Variants in PPP1R21 observed in about 807,000 individuals in gnomAD.
PPP1R21 encodes KLRAQ motif containing 1.
PPP1R21 carries 85 observed loss-of-function variants against 112.8 expected under a neutral mutation model. The observed-to-expected ratio is 0.75, with a 90% confidence interval of 0.63 to 0.90. PPP1R21 has a LOEUF of 0.90. Among genes scored for constraint, PPP1R21 ranks in the 40% least tolerant of loss-of-function variants. PPP1R21 has a pLI of 0.00. For missense variants in PPP1R21, 1,199 were observed against 901.5 expected, an observed-to-expected ratio of 1.33 and a Z score of -4.23; for synonymous variants, 381 against 322.3, an observed-to-expected ratio of 1.18 and a Z score of -1.95.
At chr2:48,500,103 G>C (rs1481460366) in intron 17 of PPP1R21, among the ~76,000 whole-genome samples, 5 of 152,124 alleles carry the variant, frequency 3.3e-5, no homozygotes, top group Non-Finnish European at 7.3e-5. Flanking sequence ...GAGCATACCT[G>C]CTAGTTAAAT....
chr2:48,478,935 A>G (rs778092445), intron 12 of PPP1R21, among the ~76,000 whole-genome samples: 8 of 152,290 alleles, frequency 5.3e-5, no homozygotes, highest in South Asian at 4.1e-4. Context: ...CTAAATCTCT[A>G]TGGGCTAGGG....
intron 16 of PPP1R21, 58 bp downstream of exon 16, chr2:48,495,829 T>A: frequency 9.9e-7 from 1 of 1,007,120 alleles, no homozygotes; most frequent in Non-Finnish European, 1.6e-6. Context: ...AAATCCCCCA[T>A]AGAAAGTTTT....
intron 12 of PPP1R21, among the ~76,000 whole-genome samples, chr2:48,478,036 A>G (rs1422797508): frequency 6.6e-6 from 1 of 152,210 alleles, no homozygotes; most frequent in African/African-American, 2.4e-5. Context: ...ACAGAGATAC[A>G]AGGGGGAAGG....
At chr2:48,468,714 C>G (rs1301580690) in intron 9 of PPP1R21, among the ~76,000 whole-genome samples, 1 of 151,858 alleles carries the variant, frequency 6.6e-6, no homozygotes, top group Non-Finnish European at 1.5e-5. Context: ...ACTTGGTGGG[C>G]TGAGGTGGGA....
chr2:48,491,264 T>C, intron 15 of PPP1R21, 94 bp downstream of exon 15: 1 of 1,351,238 alleles, frequency 7.4e-7, no homozygotes, highest in Non-Finnish European at 1.0e-6. Flanking sequence ...TATTGTTGAC[T>C]TTTTATACGA....
chr2:48,458,691 G>A (rs1331391618), intron 4 of PPP1R21, among the ~76,000 whole-genome samples: 2 of 149,224 alleles, frequency 1.3e-5, no homozygotes, highest in Non-Finnish European at 3.0e-5. Flanking sequence ...AACCATGTAT[G>A]TTTCCTATGC....
At chr2:48,486,143 A>G (rs960243553) in intron 13 of PPP1R21, among the ~76,000 whole-genome samples, 2 of 152,046 alleles carry the variant, frequency 1.3e-5, no homozygotes, top group African/African-American at 2.4e-5. Flanking sequence ...GGCTGTGCAG[A>G]TACTTCTCAT....
Position 48,495,682 on chromosome 2 carries a change from C to G in PPP1R21, c.1603C>G (p.Leu535Val), listed in dbSNP as rs773571642. 2 of 1,594,048 alleles carry G rather than the reference C, an allele frequency of 1.3e-6. No homozygotes were observed. The highest frequency in any genetic ancestry group is 3.3e-5 in the Admixed American group (2 of 59,936). Reference protein sequence around the residue: ...AAYMKSLRKPLLESVPYEEAL... With the variant: ...AAYMKSLRKPVLESVPYEEAL... ...TCTTATGATGCTTTTATCATAGCCC[C>G]TCTTGGAGTCTGTGCCTTATGAAGA... Residue 535 changes from leucine (L) to valine (V), a missense_variant, in exon 16 of 22, where the codon CTC (leucine) becomes GTC (valine). Physicochemically the swap from Leu to Val is conservative, Grantham distance 32 (BLOSUM62 1). Coordinates refer to ENST00000294952, the MANE Select transcript of PPP1R21 (RefSeq NM_001135629.3).
At chr2:48,514,143 C>T (rs539230104) in intron 21 of PPP1R21, among the ~76,000 whole-genome samples, 24 of 147,256 alleles carry the variant, frequency 1.6e-4, no homozygotes, top group Non-Finnish European at 3.1e-4. Context: ...GCCATTCTCC[C>T]GGCGCCATCT....
intron 21 of PPP1R21, among the ~76,000 whole-genome samples, chr2:48,511,755 C>T (rs1670654477): frequency 6.6e-6 from 1 of 151,428 alleles, no homozygotes; most frequent in Non-Finnish European, 1.5e-5. Context: ...CCTGTAGTCC[C>T]AGCTAGTTGG....
At chr2:48,501,515 A>G (rs567441029) in intron 17 of PPP1R21, among the ~76,000 whole-genome samples, 27 of 152,358 alleles carry the variant, frequency 1.8e-4, no homozygotes, top group African/African-American at 5.3e-4. Flanking sequence ...AGTTGAGGAA[A>G]CCAAGGACCA....
chr2:48,505,967 A>G (rs1670355007), intron 18 of PPP1R21, among the ~76,000 whole-genome samples: 1 of 152,222 alleles, frequency 6.6e-6, no homozygotes, highest in Non-Finnish European at 1.5e-5. Context: ...AGGGCTATCT[A>G]GGGCCTTGAC....
intron 2 of PPP1R21, among the ~76,000 whole-genome samples, chr2:48,454,325 T>C (rs1667615554): frequency 6.6e-6 from 1 of 152,188 alleles, no homozygotes; most frequent in African/African-American, 2.4e-5. Flanking sequence ...CCTCAATCTT[T>C]GTGTCTGTTC....
intron 2 of PPP1R21, 78 bp from the exon 3 acceptor site, chr2:48,454,517 A>T (rs1296020481): frequency 8.5e-6 from 13 of 1,528,914 alleles, no homozygotes; most frequent in Non-Finnish European, 1.2e-5. Context: ...ATTTTGGTGA[A>T]ATAGAAATAA....
At chr2:48,510,206 TCTAGATATGCTTTTTAA>T in intron 20 of PPP1R21, 93 bp downstream of exon 20, 1 of 847,520 alleles carries the variant, frequency 1.2e-6, no homozygotes, top group Non-Finnish European at 1.8e-6. Context: ...GCATTTGATC[TCTAGATATGCTTTTTAA>T]GATAACCACT....
Position 48,474,609 on chromosome 2 carries a change from A to G in PPP1R21, c.1089-74A>G, listed in dbSNP as rs542153278. ...CTCTCTTTGGATATAGTTGTTTGAG[A>G]ACTTGGTTGGCTGCTAGTAGCTAAT... On this transcript the variant is annotated intron_variant, in intron 11 of 21. Coordinates refer to ENST00000294952, the MANE Select transcript of PPP1R21 (RefSeq NM_001135629.3). The G allele has an allele frequency of 5.7e-5, 76 of 1,339,038 alleles. No individual in the cohort carries two copies. In the African/African-American group the frequency reaches 1.1e-3, roughly 19 times the overall value. 82.9% of individuals were successfully genotyped at this position (1,339,038 alleles called of 1,614,324 possible). A position where few individuals can be genotyped will look rare whatever the true frequency, so the allele number is the denominator to read the frequency against.
At chr2:48,453,445 G>A (rs911198226) in intron 2 of PPP1R21, among the ~76,000 whole-genome samples, 3 of 151,050 alleles carry the variant, frequency 2.0e-5, no homozygotes, top group South Asian at 2.1e-4. Flanking sequence ...CTCCTGTCTC[G>A]GCTTCCCAAA....
intron 17 of PPP1R21, among the ~76,000 whole-genome samples, chr2:48,500,289 G>A (rs184727115): frequency 3.3e-5 from 5 of 151,920 alleles, no homozygotes; most frequent in Admixed American, 6.6e-5. Context: ...TGCAACTTAC[G>A]CTCACATGTT....
intron 1 of PPP1R21, among the ~76,000 whole-genome samples, chr2:48,445,652 A>G (rs552212648): frequency 3.0e-4 from 45 of 152,158 alleles, no homozygotes; most frequent in African/African-American, 9.9e-4. Context: ...TCACCCATTC[A>G]CCTAGGGGCA....
Sources: gnomAD v4.1 joint callset for allele counts (sites outside exome capture counted in the v4.1 genomes callset) on GRCh38, gnomAD v4.1.1 for gene constraint, MANE v1.5 for transcripts, NCBI Gene and HGNC (gene_info 2026-07-23, HGNC 2026-07-21) for gene names.